KAZN: variants seen among roughly 807,000 people sequenced by gnomAD.
The protein encoded by KAZN is kazrin, periplakin interacting protein, also known as kazrin.
A neutral mutation model predicts 87.4 loss-of-function variants in KAZN; 40 were observed. The observed-to-expected ratio is 0.46, with a 90% CI of 0.36 to 0.60. KAZN has a LOEUF of 0.60. KAZN is among the 20% of genes least tolerant of loss of function. The pLI is 0.00. For missense variants in KAZN, 898 were observed against 1,073.9 expected (o/e 0.84, Z 2.29); for synonymous variants, 466 against 458.3 (o/e 1.02, Z -0.22).
chr1:14,621,445 T>A (rs1412644140), intron 1 of KAZN, among the ~76,000 whole-genome samples: 1 of 152,222 alleles, frequency 6.6e-6, no homozygotes, highest in East Asian at 1.9e-4. Context: ...TCTGCTAGAC[T>A]CTGGGCTATA....
intron 1 of KAZN, among the ~76,000 whole-genome samples, chr1:13,998,196 C>A (rs1052064802): frequency 3.3e-5 from 5 of 152,156 alleles, no homozygotes; most frequent in Admixed American, 2.6e-4. Flanking sequence ...TACCACCAGG[C>A]CTGCCATTGC....
At chr1:14,930,881 C>A (rs1659735562) in intron 1 of KAZN, among the ~76,000 whole-genome samples, 1 of 152,218 alleles carries the variant, frequency 6.6e-6, no homozygotes, top group East Asian at 1.9e-4. Flanking sequence ...AGAGTGGCCC[C>A]CGATCTCTGT....
chr1:14,595,259 A>T (rs1676420763), upstream of KAZN, among the ~76,000 whole-genome samples: 1 of 152,168 alleles, frequency 6.6e-6, no homozygotes, highest in African/African-American at 2.4e-5. Flanking sequence ...GGTCTTGAAA[A>T]GGGGGATGCC....
At chr1:14,141,735 C>T (rs747322084) in intron 1 of KAZN, among the ~76,000 whole-genome samples, 1 of 152,022 alleles carries the variant, frequency 6.6e-6, no homozygotes, top group African/African-American at 2.4e-5. Flanking sequence ...AAAAAATCAG[C>T]GAGTTTTGGC....
chr1:14,363,959 C>G (rs552974671), intron 2 of KAZN, among the ~76,000 whole-genome samples: 1 of 126,776 alleles, frequency 7.9e-6, no homozygotes, highest in Non-Finnish European at 1.7e-5. Context: ...AGAGCCTTTA[C>G]TCACAATATT....
At chr1:14,977,139 G>T (rs530295538) in intron 2 of KAZN, among the ~76,000 whole-genome samples, 1 of 152,204 alleles carries the variant, frequency 6.6e-6, no homozygotes, top group Non-Finnish European at 1.5e-5. Context: ...TCCTCGGGGC[G>T]GTGATTCCCC....
chr1:14,340,297 C>T (rs1348332665), intron 2 of KAZN, among the ~76,000 whole-genome samples: 2 of 152,230 alleles, frequency 1.3e-5, no homozygotes, highest in African/African-American at 2.4e-5. Flanking sequence ...GGATATTAAG[C>T]TATGTGTTTC....
At chr1:14,338,456 G>A (rs951951727) in intron 2 of KAZN, among the ~76,000 whole-genome samples, 1 of 143,148 alleles carries the variant, frequency 7.0e-6, no homozygotes, top group Non-Finnish European at 1.5e-5. Context: ...CTGCACTCCA[G>A]CCTGGGCAAC....
chr1:15,086,344 T>C lies in KAZN; in HGVS notation c.1223-7836T>C, dbSNP rs545232584. Among the ~76,000 whole-genome samples the C allele has an allele frequency of 1.0e-3, 152 of 152,218 alleles. 3 individuals carry two copies. In the South Asian group the frequency reaches 0.031, roughly 31 times the overall value. On this transcript the variant is annotated intron_variant, in intron 8 of 14. Coordinates refer to ENST00000376030, the MANE Select transcript of KAZN (RefSeq NM_201628.3). ...GCAGTGGACTTCTCTATAGCAGAAATGAAGACCCACGATCATGAAACAACA... is the reference window on the plus strand; with the variant it reads ...GCAGTGGACTTCTCTATAGCAGAAACGAAGACCCACGATCATGAAACAACA...
At chr1:14,611,688 C>CAAAA (rs34013908) in intron 1 of KAZN, among the ~76,000 whole-genome samples, 1 of 119,706 alleles carries the variant, frequency 8.4e-6, no homozygotes, top group Non-Finnish European at 1.8e-5. Flanking sequence ...CACCCTGTCT[C>CAAAA]AAAAAAAAAA....
At chr1:14,283,224 C>G (rs1294236143) in intron 2 of KAZN, among the ~76,000 whole-genome samples, 5 of 152,162 alleles carry the variant, frequency 3.3e-5, no homozygotes, top group African/African-American at 1.2e-4. Flanking sequence ...TCTGGATTTG[C>G]AGACTCTATC....
intron 2 of KAZN, among the ~76,000 whole-genome samples, chr1:14,236,797 A>T (rs1006044853): frequency 2.0e-5 from 3 of 151,978 alleles, no homozygotes; most frequent in Non-Finnish European, 4.4e-5. Context: ...GGTGGTATGC[A>T]CCTGTAGTCC....
intron 2 of KAZN, among the ~76,000 whole-genome samples, chr1:15,031,277 C>T (rs1671666629): frequency 6.6e-6 from 1 of 152,184 alleles, no homozygotes; most frequent in Non-Finnish European, 1.5e-5. Flanking sequence ...TGGAAGTTTC[C>T]AGAGTCATAG....
intron 2 of KAZN, among the ~76,000 whole-genome samples, chr1:14,309,946 CTGT>C (rs1343987240): frequency 6.6e-6 from 1 of 151,788 alleles, no homozygotes; most frequent in Non-Finnish European, 1.5e-5. Context: ...GAGAAAGCAG[CTGT>C]TGTTCTTTAG....
chr1:14,123,680 C>A (rs1644798784), intron 1 of KAZN, among the ~76,000 whole-genome samples: 1 of 152,198 alleles, frequency 6.6e-6, no homozygotes, highest in Non-Finnish European at 1.5e-5. Flanking sequence ...AATGGGACTG[C>A]AGCCTCCCTT....
intron 1 of KAZN, among the ~76,000 whole-genome samples, chr1:13,901,898 A>G (rs1472608362): frequency 6.6e-6 from 1 of 152,238 alleles, no homozygotes; most frequent in East Asian, 1.9e-4. Context: ...TACTTGTGCT[A>G]CTGATGTTTG....
At chr1:14,879,290 A>G (rs886095638) in intron 1 of KAZN, among the ~76,000 whole-genome samples, 2 of 152,254 alleles carry the variant, frequency 1.3e-5, no homozygotes, top group African/African-American at 4.8e-5. Context: ...TTCTAGCATT[A>G]AATAAATTAA....
chr1:14,445,629 G>T (rs1026982270), intron 2 of KAZN, among the ~76,000 whole-genome samples: 7 of 152,156 alleles, frequency 4.6e-5, no homozygotes, highest in African/African-American at 1.7e-4. Context: ...CACCAACATG[G>T]TGGTCTGGGA....
intron 1 of KAZN, among the ~76,000 whole-genome samples, chr1:14,102,958 G>C (rs575594545): frequency 6.6e-6 from 1 of 151,200 alleles, no homozygotes; most frequent in East Asian, 2.0e-4. Context: ...ACCCAGGCTG[G>C]AGTGCAGTGG....
Sources: gnomAD v4.1 joint callset for allele counts (sites outside exome capture counted in the v4.1 genomes callset) on GRCh38, gnomAD v4.1.1 for gene constraint, MANE v1.5 for transcripts, NCBI Gene and HGNC (gene_info 2026-07-23, HGNC 2026-07-21) for gene names.